ZDHHC14: variants seen among roughly 807,000 people sequenced by gnomAD.
ZDHHC14 encodes the protein zDHHC palmitoyltransferase 14, also known as palmitoyltransferase ZDHHC14.
ZDHHC14 carries 16 observed loss-of-function variants against 47.7 expected under a neutral mutation model. The observed-to-expected ratio is 0.34, with a 90% CI of 0.23 to 0.51. The LOEUF (loss-of-function observed/expected upper bound fraction) is 0.51, where lower values mean the gene tolerates loss of function less well. ZDHHC14 is among the 20% of genes least tolerant of loss of function. The pLI is 0.97. For missense variants in ZDHHC14, 515 were observed against 662.5 expected, an observed-to-expected ratio of 0.78 and a Z score of 2.44; for synonymous variants, 293 against 278.9, an observed-to-expected ratio of 1.05 and a Z score of -0.50.
At chr6:157,617,068 A>G (rs1415797156) in intron 3 of ZDHHC14, among the ~76,000 whole-genome samples, 1 of 152,218 alleles carries the variant, frequency 6.6e-6, no homozygotes, top group Non-Finnish European at 1.5e-5. Context: ...CCTCATGGAA[A>G]GAACCCTCCA....
chr6:157,585,083 T>G (rs529555424), intron 2 of ZDHHC14, among the ~76,000 whole-genome samples: 1 of 152,038 alleles, frequency 6.6e-6, no homozygotes, highest in South Asian at 2.1e-4. Flanking sequence ...GGCAGGAGCT[T>G]GTAGTCCCAG....
intron 1 of ZDHHC14, among the ~76,000 whole-genome samples, chr6:157,408,962 CTCTGGCGATT>C (rs1181188963): frequency 6.6e-6 from 1 of 152,138 alleles, no homozygotes; most frequent in East Asian, 1.9e-4. Flanking sequence ...GCAGCTGGAT[CTCTGGCGATT>C]GCATCTGAGT....
intron 5 of ZDHHC14, among the ~76,000 whole-genome samples, chr6:157,635,588 A>G (rs1426325297): frequency 6.6e-6 from 1 of 152,240 alleles, no homozygotes; most frequent in Non-Finnish European, 1.5e-5. Flanking sequence ...CACGGCTTCC[A>G]GGTGTGGCCA....
intron 1 of ZDHHC14, among the ~76,000 whole-genome samples, chr6:157,490,423 A>G (rs922634608): frequency 1.3e-5 from 2 of 152,244 alleles, no homozygotes; most frequent in Non-Finnish European, 2.9e-5. Context: ...GCAATGAAGA[A>G]GCGCAGATGT....
At chr6:157,579,316 G>A (rs1445188776) in intron 2 of ZDHHC14, among the ~76,000 whole-genome samples, 3 of 145,398 alleles carry the variant, frequency 2.1e-5, no homozygotes, top group African/African-American at 7.6e-5. Context: ...TCCTGCCTCA[G>A]CCTCCGAAGC....
At chr6:157,449,519 C>T (rs1365577506) in intron 1 of ZDHHC14, among the ~76,000 whole-genome samples, 1 of 152,198 alleles carries the variant, frequency 6.6e-6, no homozygotes, top group Non-Finnish European at 1.5e-5. Flanking sequence ...GACATCATCT[C>T]CTGTTCCCAT....
chr6:157,434,419 C>G (rs1026487216), intron 1 of ZDHHC14, among the ~76,000 whole-genome samples: 2 of 151,930 alleles, frequency 1.3e-5, no homozygotes, highest in Non-Finnish European at 2.9e-5. Context: ...CCTCTGAGCC[C>G]GAACTGGACT....
chr6:157,603,405 G>A (rs1008382897), intron 3 of ZDHHC14, among the ~76,000 whole-genome samples: 1 of 152,212 alleles, frequency 6.6e-6, no homozygotes, highest in African/African-American at 2.4e-5. Context: ...GAGAGAAAAG[G>A]CTGAAGAAAT....
rs1435239646 is a variant in ZDHHC14, at chr6:157,632,969, C to T, written c.752+87C>T. Reference sequence around the variant, plus strand: ...TGTGCGCACACCTCCTCATCTTCTGCCCCGGCCTTGCTTCTCATGTATCTT... The same window carrying T: ...TGTGCGCACACCTCCTCATCTTCTGTCCCGGCCTTGCTTCTCATGTATCTT... On this transcript the variant is annotated intron_variant, in intron 5 of 8. Coordinates refer to ENST00000359775, the MANE Select transcript of ZDHHC14 (RefSeq NM_024630.3). 3 of 1,406,868 alleles carry T rather than the reference C, an allele frequency of 2.1e-6. No homozygotes were observed. In the African/African-American group the frequency reaches 4.2e-5, roughly 20 times the overall value. The allele number at this position is 1,406,868 out of a possible 1,614,324, so 87.1% of individuals were successfully genotyped here.
chr6:157,454,498 CT>C (rs5881212), intron 1 of ZDHHC14, among the ~76,000 whole-genome samples: 88,637 of 127,584 alleles, frequency 0.69, 30,005 homozygotes, highest in East Asian at 0.88. Context: ...GCAGCTTCTT[CT>C]TTTTTTTTTT....
intron 1 of ZDHHC14, among the ~76,000 whole-genome samples, chr6:157,417,637 A>T (rs953587290): frequency 2.0e-5 from 3 of 152,230 alleles, no homozygotes; most frequent in African/African-American, 7.2e-5. Context: ...AAGTTATAGA[A>T]AATGATGACT....
intron 4 of ZDHHC14, chr6:157,630,394 G>T (rs563319922): frequency 2.6e-5 from 4 of 152,134 alleles, no homozygotes; most frequent in African/African-American, 9.6e-5. Context: ...CAGTTGCCAC[G>T]TGCTTAGTCA....
intron 1 of ZDHHC14, among the ~76,000 whole-genome samples, chr6:157,441,376 T>A (rs1778557249): frequency 6.6e-6 from 1 of 152,212 alleles, no homozygotes; most frequent in Non-Finnish European, 1.5e-5. Flanking sequence ...GGTTATTTGT[T>A]CTCTGTTGCT....
chr6:157,566,616 C>T (rs571802453), intron 2 of ZDHHC14, among the ~76,000 whole-genome samples: 2 of 152,146 alleles, frequency 1.3e-5, no homozygotes, highest in South Asian at 2.1e-4. Context: ...GGACACCAAG[C>T]GGGAGGTCCC....
At chr6:157,584,202 G>A (rs950038185) in intron 2 of ZDHHC14, among the ~76,000 whole-genome samples, 3 of 152,144 alleles carry the variant, frequency 2.0e-5, no homozygotes, top group Non-Finnish European at 4.4e-5. Context: ...GTGAACACTG[G>A]GGCAGGGAGG....
At position 157,677,862 on chromosome 6, in the gene ZDHHC14, A is replaced by C. The variant is rs1044236171; in HGVS notation, c.*4740A>C. ...TTTAGCCTGCAATTAAAAAAAAAAAAAAAAACGGTTGAAGCCTTGCTAACT... is the reference window on the plus strand; with the variant it reads ...TTTAGCCTGCAATTAAAAAAAAAAACAAAAACGGTTGAAGCCTTGCTAACT... On this transcript the variant is annotated 3_prime_UTR_variant, in exon 9 of 9. Coordinates refer to ENST00000359775, the MANE Select transcript of ZDHHC14 (RefSeq NM_024630.3). 5.9e-5 allele frequency: 9 copies of C among 152,102 alleles called. No individual in the cohort carries two copies. The highest frequency in any genetic ancestry group is 1.9e-4 in the African/African-American group (8 of 41,410). The allele number at this position is 152,102 out of a possible 1,614,324, so 9.4% of individuals were successfully genotyped here.
chr6:157,497,951 C>T (rs924249093), intron 1 of ZDHHC14, among the ~76,000 whole-genome samples: 1 of 152,208 alleles, frequency 6.6e-6, no homozygotes, highest in Non-Finnish European at 1.5e-5. Flanking sequence ...ATGCCAATAT[C>T]TCAGCATTGT....
chr6:157,592,877 C>CT, intron 2 of ZDHHC14, 111 bp from the exon 3 acceptor site: 1 of 1,497,234 alleles, frequency 6.7e-7, no homozygotes, highest in South Asian at 1.4e-5. Context: ...ACCGGGGGCC[C>CT]TGCCAGCCGC....
At position 157,582,237 on chromosome 6, in the gene ZDHHC14, C is replaced by T. The variant is rs145163541; in HGVS notation, c.407-10751C>T. ...AATTGGGTCATTTCCTATTTACATT[C>T]AAAGTTAGTATTGATATGTGCGGAT... is the stretch of plus-strand genomic sequence containing the variant. On this transcript the variant is annotated intron_variant, in intron 2 of 8. Coordinates refer to ENST00000359775, the MANE Select transcript of ZDHHC14 (RefSeq NM_024630.3). The surrounding 1 kb of genome is among the most constrained non-coding windows in gnomAD (Gnocchi z 4.3). Among the ~76,000 whole-genome samples, 2,556 of 152,258 alleles carry T rather than the reference C, an allele frequency of 0.017. 65 individuals carry two copies. Among genetic ancestry groups the T allele is most frequent in the African/African-American group, 0.059 (2,460 of 41,536 alleles).
Sources: gnomAD v4.1 joint callset for allele counts (sites outside exome capture counted in the v4.1 genomes callset) on GRCh38, gnomAD v4.1.1 for gene constraint, Gnocchi (gnomAD v3.1) non-coding constraint, MANE v1.5 for transcripts, NCBI Gene and HGNC (gene_info 2026-07-23, HGNC 2026-07-21) for gene names.